The following PRDM15 variants were observed in gnomAD, a reference collection of about 807,000 sequenced individuals.
The protein encoded by PRDM15 is PR/SET domain 15.
PRDM15 carries 64 observed loss-of-function variants against 128.6 expected under a neutral mutation model. That is an observed-to-expected ratio of 0.50 (90% CI 0.41 to 0.61). PRDM15 has a LOEUF of 0.61. Among genes scored for constraint, PRDM15 ranks in the 20% least tolerant of loss-of-function variants. The pLI is 0.00. For missense variants in PRDM15, 1,242 were observed against 1,569.1 expected, an observed-to-expected ratio of 0.79 and a Z score of 3.52; for synonymous variants, 615 against 621.8, an observed-to-expected ratio of 0.99 and a Z score of 0.16.
At position 41,859,301 on chromosome 21, in the gene PRDM15, G is replaced by T; in HGVS notation, c.131+291C>A. 7.2e-7 allele frequency: 1 copy of T among 1,396,920 alleles called. No homozygotes were observed. Among genetic ancestry groups the T allele is most frequent in the Non-Finnish European group, 1.0e-6 (1 of 998,736 alleles). 86.5% of individuals were successfully genotyped at this position (1,396,920 alleles called of 1,614,324 possible). A position where few individuals can be genotyped will look rare whatever the true frequency, so the allele number is the denominator to read the frequency against. ...GGTGCTCAGCACGTCAACCACCTTG[G>T]CAAGTCCACTCTTCTGCAGCCTCCA... On this transcript the variant is annotated intron_variant, in intron 3 of 23. Transcript: ENST00000398548. The surrounding 1 kb of genome is among the most constrained non-coding windows in gnomAD (Gnocchi z 5.3).
chr21:41,805,120 G>A lies in PRDM15; in HGVS notation c.2653-506C>T, dbSNP rs570723449. On this transcript the variant is annotated intron_variant, in intron 21 of 23. Transcript: ENST00000398548. ...CCCTGCCCCTACCTTCCCTCCAATG[G>A]CCCCACTGAACGGGGTCCTCAGCAC... 1.2e-4 allele frequency among the ~76,000 whole-genome samples: 18 copies of A among 152,224 alleles called. No individual in the cohort carries two copies. In the South Asian group the frequency reaches 3.7e-3, roughly 32 times the overall value.
Position 41,879,261 on chromosome 21 carries a change from G to A in PRDM15, c.-10+9C>T. 9.9e-7 allele frequency: 1 copy of A among 1,009,438 alleles called. No individual in the cohort carries two copies. Among genetic ancestry groups the A allele is most frequent in the Non-Finnish European group, 1.2e-6 (1 of 833,558 alleles). The allele number at this position is 1,009,438 out of a possible 1,614,324, so 62.5% of individuals were successfully genotyped here. ...GGGCGGGCGGCGGGCGCAGGGCCCG[G>A]AGCTTTACCTGCCTTTGGAATGTGC... is the stretch of plus-strand genomic sequence containing the variant. On this transcript the variant is annotated intron_variant, in intron 1 of 23. Coordinates refer to ENST00000398548, the MANE Select transcript of PRDM15 (RefSeq NM_001040424.3). This position sits in a 1 kb window ranked among gnomAD's most constrained non-coding sequence, Gnocchi z 5.1.
At position 41,874,525 on chromosome 21, in the gene PRDM15, A is replaced by ATATATAT; in HGVS notation, c.-10+4744_-10+4745insATATATA. Among the ~76,000 whole-genome samples the ATATATAT allele has an allele frequency of 1.2e-3, 112 of 95,812 alleles. 2 individuals carry two copies. Among genetic ancestry groups the ATATATAT allele is most frequent in the South Asian group, 4.0e-3 (10 of 2,490 alleles). 62.9% of individuals were successfully genotyped at this position (95,812 alleles called of 152,430 possible). ...TGCATATATATATATATATATATAT[A>ATATATAT]TTTTTTTTTTTTTTTGAAACTTACA... On this transcript the variant is annotated intron_variant, in intron 1 of 23. Transcript: ENST00000398548.
Position 41,859,698 on chromosome 21 carries a change from A to C in PRDM15, c.38-13T>G. 1 of 1,612,074 alleles carries C rather than the reference A, an allele frequency of 6.2e-7. No individual in the cohort carries two copies. Among genetic ancestry groups the C allele is most frequent in the Non-Finnish European group, 8.5e-7 (1 of 1,178,540 alleles). ...CAGTCTTCACACCCTGCAAGCAGAC[A>C]TCCGGGCATTAGAGCACCCAGGGAG... On this transcript the variant is annotated splice_polypyrimidine_tract_variant and intron_variant, in intron 2 of 23. Coordinates refer to ENST00000398548, the MANE Select transcript of PRDM15 (RefSeq NM_001040424.3). This position sits in a 1 kb window ranked among gnomAD's most constrained non-coding sequence, Gnocchi z 5.3.
intron 5 of PRDM15, among the ~76,000 whole-genome samples, chr21:41,852,576 T>A (rs560101245): frequency 6.6e-6 from 1 of 152,372 alleles, no homozygotes; most frequent in South Asian, 2.1e-4. Context: ...GTTCTTTTTG[T>A]CCTTTTCATT....
chr21:41,861,757 A>G (rs572656128), intron 1 of PRDM15: 21 of 1,613,078 alleles, frequency 1.3e-5, no homozygotes, highest in African/African-American at 2.7e-5. Flanking sequence ...TGTGTCTGAG[A>G]GCAGTGCCGG....
Position 41,821,880 on chromosome 21 carries a change from A to AC in PRDM15, c.1896+22dup. 1 of 1,612,282 alleles carries AC rather than the reference A, an allele frequency of 6.2e-7. No homozygotes were observed. Among genetic ancestry groups the AC allele is most frequent in the Non-Finnish European group, 8.5e-7 (1 of 1,179,722 alleles). On this transcript the variant is annotated intron_variant, in intron 15 of 23. Transcript: ENST00000398548. The surrounding 1 kb of genome is among the most constrained non-coding windows in gnomAD (Gnocchi z 5.4). ...ACCTTCCTCTCCAGACCACCCAGGC[A>AC]CCGCGGGGCAAACCCGCCATACCTG...
In PRDM15 at chr21:41,859,071, G is replaced by T; in HGVS notation, c.131+521C>A. 1 of 1,581,056 alleles carries T rather than the reference G, an allele frequency of 6.3e-7. No homozygotes were observed. Among genetic ancestry groups the T allele is most frequent in the South Asian group, 1.2e-5 (1 of 86,650 alleles). On this transcript the variant is annotated intron_variant, in intron 3 of 23. Transcript: ENST00000398548. The surrounding 1 kb of genome is among the most constrained non-coding windows in gnomAD (Gnocchi z 5.3). ...AGGTGGCACAGCCTCCCCCAGGTGA[G>T]GGTGGAACGGCAGGGCAGCTGCTGC...
chr21:41,877,391 G>A, intron 1 of PRDM15: 1 of 152,460 alleles, frequency 6.6e-6, no homozygotes, highest in Non-Finnish European at 1.5e-5. Flanking sequence ...CAGGTGTTCA[G>A]TAAACATTGG....
At chr21:41,869,635 G>A (rs556922183) in intron 1 of PRDM15, among the ~76,000 whole-genome samples, 83 of 152,110 alleles carry the variant, frequency 5.5e-4, no homozygotes, top group African/African-American at 1.9e-3. Flanking sequence ...TAGTAGAGAC[G>A]GGGTTTCTCC....
chr21:41,847,813 T>C (rs1030931905), intron 5 of PRDM15, among the ~76,000 whole-genome samples: 2 of 152,238 alleles, frequency 1.3e-5, no homozygotes, highest in African/African-American at 4.8e-5. Context: ...AGGGGGCCGC[T>C]ATCCCAGGAA....
chr21:41,841,735 T>A lies in PRDM15; in HGVS notation c.641-1882A>T, dbSNP rs540600132. Among the ~76,000 whole-genome samples, 3 of 152,352 alleles carry A rather than the reference T, an allele frequency of 2.0e-5. No homozygotes were observed. The South Asian group carries it at 6.2e-4, about 32-fold the overall frequency. On this transcript the variant is annotated intron_variant, in intron 6 of 23. Coordinates refer to ENST00000398548, the MANE Select transcript of PRDM15 (RefSeq NM_001040424.3). ...CTTGTTAGATGCGGCATTGTAAATATACTTATTAAATCAATTGTGTTAACT... is the reference window on the plus strand; with the variant it reads ...CTTGTTAGATGCGGCATTGTAAATAAACTTATTAAATCAATTGTGTTAACT...
At chr21:41,830,184 C>A (rs2062634172) in intron 11 of PRDM15, among the ~76,000 whole-genome samples, 1 of 149,268 alleles carries the variant, frequency 6.7e-6, no homozygotes, top group African/African-American at 2.5e-5. Context: ...ATTCAACATA[C>A]CCCCAACACA....
rs879505958 is a variant in PRDM15, at chr21:41,874,523, A to ATTTTTTT, written c.-10+4746_-10+4747insAAAAAAA. Among the ~76,000 whole-genome samples, 646 of 78,656 alleles carry ATTTTTTT rather than the reference A, an allele frequency of 8.2e-3. 11 individuals are homozygous for ATTTTTTT. The highest frequency in any genetic ancestry group is 0.012 in the East Asian group (32 of 2,612). The allele number at this position is 78,656 out of a possible 152,430, so 51.6% of individuals were successfully genotyped here. A position where few individuals can be genotyped will look rare whatever the true frequency, so the allele number is the denominator to read the frequency against. On this transcript the variant is annotated intron_variant, in intron 1 of 23. Coordinates refer to ENST00000398548, the MANE Select transcript of PRDM15 (RefSeq NM_001040424.3). Reference sequence around the variant, plus strand: ...CATGCATATATATATATATATATATATATTTTTTTTTTTTTTTGAAACTTA... The same window carrying ATTTTTTT: ...CATGCATATATATATATATATATATATTTTTTTTATTTTTTTTTTTTTTTGAAACTTA...
At chr21:41,830,817 C>G (rs1258570182) in intron 11 of PRDM15, among the ~76,000 whole-genome samples, 1 of 152,254 alleles carries the variant, frequency 6.6e-6, no homozygotes, top group Non-Finnish European at 1.5e-5. Context: ...GCCAGTCAAA[C>G]TGTGGTTTCG....
At chr21:41,804,360 C>T (rs1190062525) in intron 22 of PRDM15, among the ~76,000 whole-genome samples, 174 bp downstream of exon 22, 1 of 152,322 alleles carries the variant, frequency 6.6e-6, no homozygotes, top group African/African-American at 2.4e-5. Flanking sequence ...ACTACAGAAA[C>T]GAGGAGATGA....
At chr21:41,870,148 T>C (rs1464082978) in intron 1 of PRDM15, among the ~76,000 whole-genome samples, 1 of 152,272 alleles carries the variant, frequency 6.6e-6, no homozygotes, top group African/African-American at 2.4e-5. Flanking sequence ...GTTTAAGCCA[T>C]AAAAATTCTT....
Position 41,859,305 on chromosome 21 carries a change from G to A in PRDM15, c.131+287C>T. Reference sequence around the variant, plus strand: ...CTCAGCACGTCAACCACCTTGGCAAGTCCACTCTTCTGCAGCCTCCACACA... The same window carrying A: ...CTCAGCACGTCAACCACCTTGGCAAATCCACTCTTCTGCAGCCTCCACACA... On this transcript the variant is annotated intron_variant, in intron 3 of 23. Coordinates refer to ENST00000398548, the MANE Select transcript of PRDM15 (RefSeq NM_001040424.3). This position sits in a 1 kb window ranked among gnomAD's most constrained non-coding sequence, Gnocchi z 5.3. The A allele has an allele frequency of 7.3e-7, 1 of 1,368,130 alleles. No individual in the cohort carries two copies. The highest frequency in any genetic ancestry group is 1.0e-6 in the Non-Finnish European group (1 of 974,650). 84.7% of individuals were successfully genotyped at this position (1,368,130 alleles called of 1,614,324 possible). A position where few individuals can be genotyped will look rare whatever the true frequency, so the allele number is the denominator to read the frequency against.
chr21:41,839,067 G>A (rs2062986810), intron 7 of PRDM15, among the ~76,000 whole-genome samples: 1 of 152,178 alleles, frequency 6.6e-6, no homozygotes, highest in Non-Finnish European at 1.5e-5. Context: ...ACACACCCTG[G>A]AAGAGGGTCA....
Sources: allele counts gnomAD v4.1 joint callset (sites outside exome capture counted in the v4.1 genomes callset), GRCh38; gene constraint gnomAD v4.1.1; non-coding constraint Gnocchi (gnomAD v3.1); transcripts MANE v1.5; gene names NCBI Gene and HGNC (gene_info 2026-07-23, HGNC 2026-07-21).